The following SLC25A48 variants were observed in gnomAD, a reference collection of about 807,000 sequenced individuals.
SLC25A48 encodes CTC-321K16.1.
Under a neutral mutation model 32.2 loss-of-function variants are expected in SLC25A48, and 29 were observed. The ratio of observed to expected loss-of-function variants is 0.90; its 90% CI spans 0.67 to 1.23. The LOEUF is 1.23. Ranked by LOEUF, SLC25A48 falls within the 50% of genes most tolerant of loss-of-function variation. The pLI is 0.00. For missense variants in SLC25A48, 399 were observed against 422.7 expected, an observed-to-expected ratio of 0.94 and a Z score of 0.49; for synonymous variants, 164 against 172.3, an observed-to-expected ratio of 0.95 and a Z score of 0.38.
intron 3 of SLC25A48, among the ~76,000 whole-genome samples, chr5:135,715,253 G>A (rs1280185147): frequency 6.6e-6 from 1 of 152,214 alleles, no homozygotes; most frequent in African/African-American, 2.4e-5. Flanking sequence ...GTCTAGGCTG[G>A]GGTTTCTGGT....
At chr5:135,670,269 T>C (rs1245471275) in intron 3 of SLC25A48, among the ~76,000 whole-genome samples, 2 of 152,178 alleles carry the variant, frequency 1.3e-5, no homozygotes, top group Non-Finnish European at 2.9e-5. Flanking sequence ...CTTGACCAGC[T>C]AGCAGGTCAA....
chr5:135,723,257 A>G (rs2126984578), intron 3 of SLC25A48, among the ~76,000 whole-genome samples: 1 of 152,314 alleles, frequency 6.6e-6, no homozygotes, highest in Admixed American at 6.5e-5. Flanking sequence ...TTCATTGGCG[A>G]ATCAATTCAC....
chr5:135,806,765 C>T (rs1378125318), intron 3 of SLC25A48, among the ~76,000 whole-genome samples: 1 of 149,168 alleles, frequency 6.7e-6, no homozygotes, highest in Non-Finnish European at 1.5e-5. Context: ...TTCTTAATAT[C>T]ATAGTGTGTT....
At chr5:135,618,159 A>G (rs1360863398) in intron 1 of SLC25A48, among the ~76,000 whole-genome samples, 5 of 152,114 alleles carry the variant, frequency 3.3e-5, no homozygotes, top group African/African-American at 7.2e-5. Context: ...TCCCTTTATC[A>G]TACAATGACC....
chr5:135,831,192 C>T (rs1001503573), upstream of SLC25A48, among the ~76,000 whole-genome samples: 1 of 152,162 alleles, frequency 6.6e-6, no homozygotes, highest in Non-Finnish European at 1.5e-5. Flanking sequence ...CAGGAAAGGC[C>T]AGGGGGAGTC....
chr5:135,883,719 C>T (rs1169463409), intron 7 of SLC25A48, among the ~76,000 whole-genome samples: 1 of 152,186 alleles, frequency 6.6e-6, no homozygotes, highest in Non-Finnish European at 1.5e-5. Flanking sequence ...CAGTGGCACA[C>T]GTTGGTGACT....
At chr5:135,598,882 C>T (rs1751721308) in intron 1 of SLC25A48, among the ~76,000 whole-genome samples, 1 of 152,138 alleles carries the variant, frequency 6.6e-6, no homozygotes, top group Non-Finnish European at 1.5e-5. Context: ...GGTCGGTGGT[C>T]TCTTATCAGG....
At chr5:135,819,153 T>A (rs986076478) in intron 4 of SLC25A48, among the ~76,000 whole-genome samples, 2 of 145,276 alleles carry the variant, frequency 1.4e-5, no homozygotes, top group Admixed American at 1.4e-4. Flanking sequence ...AGAAATAGGC[T>A]AAAAAAAAAA....
chr5:135,834,018 G>T (rs1758311659), upstream of SLC25A48, among the ~76,000 whole-genome samples: 1 of 152,182 alleles, frequency 6.6e-6, no homozygotes, highest in Non-Finnish European at 1.5e-5. Flanking sequence ...CAGAACGCTG[G>T]GGGGCTTCGA....
At chr5:135,856,057 A>G (rs1010509035) in intron 4 of SLC25A48, among the ~76,000 whole-genome samples, 4 of 152,208 alleles carry the variant, frequency 2.6e-5, no homozygotes, top group African/African-American at 7.2e-5. Context: ...CAGAGCAGAG[A>G]GAGTGCCGGC....
intron 1 of SLC25A48, among the ~76,000 whole-genome samples, chr5:135,595,097 T>C (rs1202559092): frequency 1.3e-5 from 2 of 152,032 alleles, no homozygotes; most frequent in Non-Finnish European, 2.9e-5. Flanking sequence ...TTCCAAACAG[T>C]CCCTGGTGGA....
chr5:135,799,602 A>G (rs1361663665), intron 3 of SLC25A48, among the ~76,000 whole-genome samples: 1 of 151,594 alleles, frequency 6.6e-6, no homozygotes, highest in Non-Finnish European at 1.5e-5. Flanking sequence ...ATTACTCCAA[A>G]TATTGCAGGG....
chr5:135,856,459 A>G (rs925075197), intron 4 of SLC25A48, among the ~76,000 whole-genome samples: 2 of 152,246 alleles, frequency 1.3e-5, no homozygotes, highest in East Asian at 1.9e-4. Flanking sequence ...CCAGCCTAGC[A>G]TCTCCTGCCC....
At chr5:135,858,928 G>A (rs114265776) in intron 4 of SLC25A48, among the ~76,000 whole-genome samples, 2,061 of 152,222 alleles carry the variant, frequency 0.014, 39 homozygotes, top group African/African-American at 0.043. Flanking sequence ...GAATTTGGTG[G>A]CAGCAGGTGC....
chr5:135,804,370 G>A (rs1459368965), intron 3 of SLC25A48, among the ~76,000 whole-genome samples: 3 of 151,666 alleles, frequency 2.0e-5, no homozygotes, highest in East Asian at 1.9e-4. Context: ...TATGAATAAT[G>A]TCACAGGGTT....
intron 1 of SLC25A48, among the ~76,000 whole-genome samples, chr5:135,839,597 G>A (rs578040977): frequency 4.6e-5 from 7 of 152,274 alleles, no homozygotes; most frequent in Middle Eastern, 3.4e-3. Context: ...ACTTTGGGGC[G>A]CCGTTGGGAA....
At chr5:135,823,354 C>T (rs1358591914) in intron 4 of SLC25A48, among the ~76,000 whole-genome samples, 1 of 152,148 alleles carries the variant, frequency 6.6e-6, no homozygotes, top group Non-Finnish European at 1.5e-5. Context: ...CACTCTGGGC[C>T]ACGTGTCCCC....
At chr5:135,771,884 G>T (rs1234281666) in intron 3 of SLC25A48, among the ~76,000 whole-genome samples, 1 of 151,292 alleles carries the variant, frequency 6.6e-6, no homozygotes, top group Non-Finnish European at 1.5e-5. Flanking sequence ...GTAATATCCA[G>T]GGTGGGAGAG....
rs536662283 is a variant in SLC25A48 at position 135,688,514 on chromosome 5, A to G, written c.-521+53558A>G. Among the ~76,000 whole-genome samples, 5 of 152,374 alleles carry G rather than the reference A, an allele frequency of 3.3e-5. No individual in the cohort carries two copies. In the South Asian group the frequency reaches 8.3e-4, roughly 25 times the overall value. ...GAATGATTTATTGCAGCTTAAACAC[A>G]CACACACACCATGGAAAGAAATTGC... On this transcript the variant is annotated intron_variant, in intron 3 of 10. Coordinates refer to the SLC25A48 transcript ENST00000646290.
Sources: gnomAD v4.1 joint callset for allele counts (sites outside exome capture counted in the v4.1 genomes callset) on GRCh38, gnomAD v4.1.1 for gene constraint, MANE v1.5 for transcripts, NCBI Gene and HGNC (gene_info 2026-07-23, HGNC 2026-07-21) for gene names.